IGSF3: variants seen among roughly 807,000 people sequenced by gnomAD.
IGSF3 encodes immunoglobulin superfamily member 3.
IGSF3 carries 23 observed loss-of-function variants against 114.4 expected under a neutral mutation model. The observed-to-expected ratio is 0.20, with a 90% confidence interval of 0.14 to 0.28. The LOEUF (loss-of-function observed/expected upper bound fraction) is 0.28, where lower values mean the gene tolerates loss of function less well. Among genes scored for constraint, IGSF3 ranks in the 10% least tolerant of loss-of-function variants. The pLI, the probability that IGSF3 is intolerant of heterozygous loss-of-function variation, is 1.00. For missense variants in IGSF3, 1,172 were observed against 1,591.5 expected (o/e 0.74, Z 4.48); for synonymous variants, 571 against 645.2 (o/e 0.88, Z 1.74).
At chr1:116,617,266 A>T in intron 2 of IGSF3, 1 of 970,052 alleles carries the variant, frequency 1.0e-6, no homozygotes. Context: ...CTCCAAGGTC[A>T]CTTCTGCCTG....
In IGSF3 at chr1:116,632,569, G is replaced by A. The variant is rs1647640562; in HGVS notation, c.44-16112C>T. ...TGGACACGTGCGTGCTGAAGGACTC[G>A]TGTTTAATTCTTCCCAGTAATCCTT... On this transcript the variant is annotated intron_variant, in intron 2 of 10. Coordinates refer to ENST00000369486, the MANE Select transcript of IGSF3 (RefSeq NM_001007237.3). This position sits in a 1 kb window ranked among gnomAD's most constrained non-coding sequence, Gnocchi z 5.1. Among the ~76,000 whole-genome samples, 1 of 152,184 alleles carries A rather than the reference G, an allele frequency of 6.6e-6. No homozygotes were observed.
intron 7 of IGSF3, among the ~76,000 whole-genome samples, chr1:116,591,206 C>T (rs200936732): frequency 6.6e-6 from 1 of 152,320 alleles, no homozygotes; most frequent in East Asian, 1.9e-4. Flanking sequence ...GCTTGCCAGT[C>T]GACTTTTCAG....
intron 4 of IGSF3, among the ~76,000 whole-genome samples, chr1:116,611,648 C>T (rs145452277): frequency 7.9e-5 from 12 of 152,130 alleles, no homozygotes; most frequent in Non-Finnish European, 1.3e-4. Flanking sequence ...TATGCTTCTC[C>T]TCCTGCTGAC....
In IGSF3 at chr1:116,592,979, A is replaced by G. The variant is rs74111638; in HGVS notation, c.2030-3875T>C. On this transcript the variant is annotated intron_variant, in intron 7 of 10. Coordinates refer to ENST00000369486, the MANE Select transcript of IGSF3 (RefSeq NM_001007237.3). The surrounding 1 kb of genome is among the most constrained non-coding windows in gnomAD (Gnocchi z 4.5). ...GAAGGAGAATCAAAGGGCACGCCAG[A>G]GAGAGGGGACAAGAGGAAAAAGATG... 1.5e-3 allele frequency among the ~76,000 whole-genome samples: 221 copies of G among 152,334 alleles called. 2 individuals are homozygous for G. The highest frequency in any genetic ancestry group is 5.1e-3 in the African/African-American group (214 of 41,568).
Position 116,647,358 on chromosome 1 carries a change from G to A in IGSF3, c.43+18926C>T, listed in dbSNP as rs1277652857. 6.6e-6 allele frequency among the ~76,000 whole-genome samples: 1 copy of A among 152,180 alleles called. No individual in the cohort carries two copies. The highest frequency in any genetic ancestry group is 6.5e-5 in the Admixed American group (1 of 15,284). On this transcript the variant is annotated intron_variant, in intron 2 of 10. Coordinates refer to ENST00000369486, the MANE Select transcript of IGSF3 (RefSeq NM_001007237.3). This position sits in a 1 kb window ranked among gnomAD's most constrained non-coding sequence, Gnocchi z 4.6. Reference sequence around the variant, plus strand: ...GAGGTGACAATGGGGTCCAAAGGTCGTGCCTTTATGGCTCGCAACTATGTG... The same window carrying A: ...GAGGTGACAATGGGGTCCAAAGGTCATGCCTTTATGGCTCGCAACTATGTG...
At position 116,608,288 on chromosome 1, in the gene IGSF3, G is replaced by C; in HGVS notation, c.876C>G (p.His292Gln). The change falls in exon 5 of 11, where the codon CAC (histidine) becomes CAG (glutamine). Residue 292 changes from histidine (H) to glutamine (Q), a missense_variant. His to Gln is a conservative substitution (Grantham distance 24). Around this residue, in one of 3 missense-constraint regions of IGSF3, gnomAD observed 736 missense variants for 1,042.0 expected, o/e 0.71. Transcript: ENST00000369486. ...TVRLETEKRL[H>Q]TVGEPVEFRC... ...TGAACTCCACCGGCTCGCCCACCGT[G>C]TGCAGCCGCTTCTCTGTCTCCAGCC... 3 of 1,612,730 alleles carry C rather than the reference G, an allele frequency of 1.9e-6. No homozygotes were observed. In the South Asian group the frequency reaches 3.3e-5, roughly 18 times the overall value.
At position 116,636,386 on chromosome 1, in the gene IGSF3, G is replaced by A. The variant is rs1187770183; in HGVS notation, c.44-19929C>T. Among the ~76,000 whole-genome samples the A allele has an allele frequency of 2.0e-5, 3 of 152,112 alleles. No homozygotes were observed. The highest frequency in any genetic ancestry group is 7.2e-5 in the African/African-American group (3 of 41,424). On this transcript the variant is annotated intron_variant, in intron 2 of 10. Transcript: ENST00000369486. The surrounding 1 kb of genome is among the most constrained non-coding windows in gnomAD (Gnocchi z 4.5). ...GCTTAGGACAGTTTTCATGCAAACT[G>A]GTTCTTCCAGGTTCTTATGCCTGGA...
At chr1:116,620,738 A>T (rs553669569) in intron 2 of IGSF3, among the ~76,000 whole-genome samples, 1 of 152,254 alleles carries the variant, frequency 6.6e-6, no homozygotes, top group East Asian at 1.9e-4. Flanking sequence ...TGTCAACCCC[A>T]GGCATCTTTT....
rs1006436965 is a variant in IGSF3 at position 116,614,686 on chromosome 1, A to T, written c.422-511T>A. Among the ~76,000 whole-genome samples, 5 of 152,152 alleles carry T rather than the reference A, an allele frequency of 3.3e-5. No individual in the cohort carries two copies. Among genetic ancestry groups the T allele is most frequent in the Non-Finnish European group, 7.4e-5 (5 of 68,014 alleles). ...GCAGCCCTAGGAAGATGATTTTTTT[A>T]AAAAACCATTTTTGGTAGAAAAAAT... On this transcript the variant is annotated intron_variant, in intron 3 of 10. Coordinates refer to ENST00000369486, the MANE Select transcript of IGSF3 (RefSeq NM_001007237.3). This position sits in a 1 kb window ranked among gnomAD's most constrained non-coding sequence, Gnocchi z 4.5.
In IGSF3 at chr1:116,595,721, T is replaced by C. The variant is rs1660315617; in HGVS notation, c.2029+4220A>G. 6.6e-6 allele frequency among the ~76,000 whole-genome samples: 1 copy of C among 152,244 alleles called. No individual in the cohort carries two copies. The highest frequency in any genetic ancestry group is 2.1e-4 in the South Asian group (1 of 4,836). ...ATTTAATAGCCAAACCAAGATATTG[T>C]CATAAACATTTGGAAAATGAGTGCT... is the stretch of plus-strand genomic sequence containing the variant. On this transcript the variant is annotated intron_variant, in intron 7 of 10. Coordinates refer to ENST00000369486, the MANE Select transcript of IGSF3 (RefSeq NM_001007237.3). The surrounding 1 kb of genome is among the most constrained non-coding windows in gnomAD (Gnocchi z 4.2).
At chr1:116,578,110 A>G (rs1290931417) in intron 10 of IGSF3, among the ~76,000 whole-genome samples, 3 of 152,220 alleles carry the variant, frequency 2.0e-5, no homozygotes, top group African/African-American at 7.2e-5. Flanking sequence ...CACAAAGAAC[A>G]CAGTATTAGT....
intron 2 of IGSF3, among the ~76,000 whole-genome samples, chr1:116,619,046 A>T (rs1661322615): frequency 6.6e-6 from 1 of 152,182 alleles, no homozygotes; most frequent in Non-Finnish European, 1.5e-5. Flanking sequence ...AGATGATTCA[A>T]ATCAGGTGTA....
chr1:116,581,484 T>C (rs1413047756), intron 9 of IGSF3, among the ~76,000 whole-genome samples: 1 of 152,202 alleles, frequency 6.6e-6, no homozygotes, highest in African/African-American at 2.4e-5. Context: ...CAGATCCTAC[T>C]TGGATGAAGA....
rs1659365805 is a variant in IGSF3, at chr1:116,576,908, A to C, written c.*404T>G. On this transcript the variant is annotated 3_prime_UTR_variant, in exon 11 of 11. Coordinates refer to ENST00000369486, the MANE Select transcript of IGSF3 (RefSeq NM_001007237.3). The surrounding 1 kb of genome is among the most constrained non-coding windows in gnomAD (Gnocchi z 4.6). ...CTTCCTTTTGCTGTCAGTTGTACGT[A>C]AGAGAAATTCGTCCACATTAAGGAA... The C allele has an allele frequency of 1.2e-5, 2 of 160,024 alleles. No homozygotes were observed. Among genetic ancestry groups the C allele is most frequent in the Non-Finnish European group, 2.7e-5 (2 of 72,742 alleles). The allele number at this position is 160,024 out of a possible 1,614,324, so 9.9% of individuals were successfully genotyped here.
intron 2 of IGSF3, among the ~76,000 whole-genome samples, chr1:116,645,936 G>A (rs989371905): frequency 4.6e-5 from 7 of 152,230 alleles, no homozygotes; most frequent in Non-Finnish European, 7.3e-5. Flanking sequence ...ACGCGACTGC[G>A]CTGGGAGTGG....
In IGSF3 at chr1:116,577,678, C is replaced by A; in HGVS notation, c.3335-116G>T. On this transcript the variant is annotated intron_variant, in intron 10 of 10. Transcript: ENST00000369486. This position sits in a 1 kb window ranked among gnomAD's most constrained non-coding sequence, Gnocchi z 5.7. ...AAGCTCCTCGGTGACACTCCCACACCACCTTGTCTTTCCCCTGCTACCATT... is the reference window on the plus strand; with the variant it reads ...AAGCTCCTCGGTGACACTCCCACACAACCTTGTCTTTCCCCTGCTACCATT... 1 of 888,816 alleles carries A rather than the reference C, an allele frequency of 1.1e-6. No homozygotes were observed. Among genetic ancestry groups the A allele is most frequent in the East Asian group, 2.4e-5 (1 of 40,966 alleles). The allele number at this position is 888,816 out of a possible 1,614,324, so 55.1% of individuals were successfully genotyped here. A position where few individuals can be genotyped will look rare whatever the true frequency, so the allele number is the denominator to read the frequency against.
rs1370271477 is a variant in IGSF3 at position 116,650,238 on chromosome 1, G to A, written c.43+16046C>T. The stretch of plus-strand genomic sequence containing the variant: ...CAACAGTGAGGACAAAATGTATGGA[G>A]ATTGGACTGTTCAGTCTTCAGGGGC... On this transcript the variant is annotated intron_variant, in intron 2 of 10. Coordinates refer to ENST00000369486, the MANE Select transcript of IGSF3 (RefSeq NM_001007237.3). The surrounding 1 kb of genome is among the most constrained non-coding windows in gnomAD (Gnocchi z 5.0). Among the ~76,000 whole-genome samples the A allele has an allele frequency of 6.6e-6, 1 of 152,194 alleles. No homozygotes were observed. The highest frequency in any genetic ancestry group is 2.4e-5 in the African/African-American group (1 of 41,444).
At position 116,575,195 on chromosome 1, in the gene IGSF3, C is replaced by G. The variant is rs1372468976; in HGVS notation, c.*2117G>C. ...AGTCAGCAAATTCCCACTGAAAGCC[C>G]ACATCTCTGAAATAAAGAAATGGGG... On this transcript the variant is annotated 3_prime_UTR_variant, in exon 11 of 11. Coordinates refer to ENST00000369486, the MANE Select transcript of IGSF3 (RefSeq NM_001007237.3). This position sits in a 1 kb window ranked among gnomAD's most constrained non-coding sequence, Gnocchi z 5.6. The G allele has an allele frequency of 6.6e-6, 1 of 152,638 alleles. No individual in the cohort carries two copies. The highest frequency in any genetic ancestry group is 6.5e-5 in the Admixed American group (1 of 15,280). The allele number at this position is 152,638 out of a possible 1,614,324, so 9.5% of individuals were successfully genotyped here.
chr1:116,609,160 C>G (rs1383754025), intron 4 of IGSF3, among the ~76,000 whole-genome samples: 1 of 151,852 alleles, frequency 6.6e-6, no homozygotes, highest in African/African-American at 2.4e-5. Flanking sequence ...AGGAAAAGTA[C>G]CTACTTCTGC....
Sources: gnomAD v4.1 joint callset for allele counts (sites outside exome capture counted in the v4.1 genomes callset) on GRCh38, gnomAD v4.1.1 for gene constraint, gnomAD v4.1.1 regional missense constraint, Gnocchi (gnomAD v3.1) non-coding constraint, MANE v1.5 for transcripts, NCBI Gene and HGNC (gene_info 2026-07-23, HGNC 2026-07-21) for gene names.